THEMIS: variants seen among roughly 807,000 people sequenced by gnomAD.
THEMIS encodes the protein thymocyte selection associated.
Under a neutral mutation model 52.6 loss-of-function variants are expected in THEMIS, and 37 were observed. The ratio of observed to expected loss-of-function variants is 0.70; its 90% CI spans 0.54 to 0.93. The LOEUF is 0.93. Ranked by LOEUF, THEMIS falls within the 40% of genes least tolerant of loss-of-function variation. The pLI, the probability that THEMIS is intolerant of heterozygous loss-of-function variation, is 0.00. For missense variants in THEMIS, 808 were observed against 763.1 expected, an observed-to-expected ratio of 1.06 and a Z score of -0.69; for synonymous variants, 292 against 272.7, an observed-to-expected ratio of 1.07 and a Z score of -0.70.
intron 4 of THEMIS, among the ~76,000 whole-genome samples, chr6:127,725,041 T>A (rs1774491422): frequency 6.6e-6 from 1 of 152,088 alleles, no homozygotes; most frequent in Admixed American, 6.6e-5. Flanking sequence ...AGCCAGGGAC[T>A]AAACATCACT....
intron 4 of THEMIS, among the ~76,000 whole-genome samples, chr6:127,752,410 G>A (rs1775676775): frequency 2.0e-5 from 3 of 147,212 alleles, no homozygotes; most frequent in South Asian, 2.1e-4. Context: ...TTTAGCTAGA[G>A]TAACTAAGAA....
intron 4 of THEMIS, among the ~76,000 whole-genome samples, chr6:127,786,982 T>C (rs1776970856): frequency 6.6e-6 from 1 of 151,966 alleles, no homozygotes; most frequent in African/African-American, 2.4e-5. Context: ...TTGGAGCTCC[T>C]AAAAAAACTC....
chr6:127,865,297 T>G (rs971906658), intron 1 of THEMIS, among the ~76,000 whole-genome samples: 1 of 152,086 alleles, frequency 6.6e-6, no homozygotes, highest in Non-Finnish European at 1.5e-5. Flanking sequence ...GTCCAAAGTA[T>G]ACAAAACACT....
intron 4 of THEMIS, among the ~76,000 whole-genome samples, chr6:127,736,685 C>T (rs1281143095): frequency 6.6e-6 from 1 of 152,002 alleles, no homozygotes; most frequent in Non-Finnish European, 1.5e-5. Flanking sequence ...TCATCATTTT[C>T]AGATCTATGT....
At chr6:127,703,423 C>G (rs1406597454), downstream of THEMIS, among the ~76,000 whole-genome samples, 1 of 152,092 alleles carries the variant, frequency 6.6e-6, no homozygotes, top group Non-Finnish European at 1.5e-5. Flanking sequence ...GTTTACTTAG[C>G]TTTAATAAGG....
At chr6:127,854,915 C>A in intron 2 of THEMIS, 115 bp downstream of exon 2, 1 of 854,944 alleles carries the variant, frequency 1.2e-6, no homozygotes, top group Non-Finnish European at 1.6e-6. Flanking sequence ...GGATTTTCCC[C>A]CCCATTATCC....
chr6:127,885,558 A>G (rs1168495116), intron 1 of THEMIS, among the ~76,000 whole-genome samples: 1 of 122,068 alleles, frequency 8.2e-6, no homozygotes, highest in Non-Finnish European at 1.7e-5. Context: ...GAAGAAACTA[A>G]AGAAGGAAAG....
chr6:127,860,210 T>G (rs1779750112), intron 1 of THEMIS, among the ~76,000 whole-genome samples: 1 of 152,100 alleles, frequency 6.6e-6, no homozygotes, highest in Non-Finnish European at 1.5e-5. Flanking sequence ...ATTCCCACTC[T>G]ATGAAGAATG....
intron 4 of THEMIS, among the ~76,000 whole-genome samples, chr6:127,784,985 ATC>A (rs1311277991): frequency 7.9e-6 from 1 of 126,320 alleles, no homozygotes. Context: ...CTATCTATCT[ATC>A]TATCTATCTA....
chr6:127,866,638 T>A (rs568169933), intron 1 of THEMIS, among the ~76,000 whole-genome samples: 1 of 152,000 alleles, frequency 6.6e-6, no homozygotes, highest in African/African-American at 2.4e-5. Flanking sequence ...TAAAGTTTCA[T>A]AACAAATTGA....
At chr6:127,839,100 C>T (rs1412527544) in intron 2 of THEMIS, among the ~76,000 whole-genome samples, 2 of 151,966 alleles carry the variant, frequency 1.3e-5, no homozygotes, top group Non-Finnish European at 1.5e-5. Context: ...ATTACTCTCT[C>T]AAGAGGCAAC....
chr6:127,796,981 C>A (rs1187869697), intron 4 of THEMIS, among the ~76,000 whole-genome samples: 1 of 152,188 alleles, frequency 6.6e-6, no homozygotes, highest in Non-Finnish European at 1.5e-5. Context: ...TTGACTCCAG[C>A]TCAGTTTAGC....
intron 1 of THEMIS, among the ~76,000 whole-genome samples, chr6:127,855,788 T>G (rs1355213372): frequency 3.3e-5 from 5 of 151,954 alleles, no homozygotes; most frequent in Non-Finnish European, 7.4e-5. Context: ...CTGAAAAGCT[T>G]CATTTTAGTC....
chr6:127,904,292 A>T (rs1781215749), upstream of THEMIS, among the ~76,000 whole-genome samples: 1 of 152,124 alleles, frequency 6.6e-6, no homozygotes, highest in South Asian at 2.1e-4. Context: ...CATGGTTGGT[A>T]GGAAGCTGAA....
intron 5 of THEMIS, among the ~76,000 whole-genome samples, chr6:127,714,554 A>T (rs2114466046): frequency 6.6e-6 from 1 of 152,072 alleles, no homozygotes. Flanking sequence ...TCCCAAGAAT[A>T]TGTATTTTTA....
At chr6:127,773,405 A>G (rs982622055) in intron 4 of THEMIS, among the ~76,000 whole-genome samples, 3 of 152,210 alleles carry the variant, frequency 2.0e-5, no homozygotes, top group Non-Finnish European at 4.4e-5. Flanking sequence ...GTTTTTATCC[A>G]GTTTTTACCA....
At chr6:127,742,559 A>G (rs1335598556) in intron 4 of THEMIS, among the ~76,000 whole-genome samples, 2 of 152,182 alleles carry the variant, frequency 1.3e-5, no homozygotes. Flanking sequence ...AATATTTTAC[A>G]TAGATACAAT....
chr6:127,840,995 C>A (rs1475551286), intron 2 of THEMIS, among the ~76,000 whole-genome samples: 1 of 151,986 alleles, frequency 6.6e-6, no homozygotes, highest in Admixed American at 6.6e-5. Flanking sequence ...GGTGGTGAAA[C>A]TATTTTGTAT....
At chr6:127,715,772 C>T (rs1774137610) in intron 5 of THEMIS, among the ~76,000 whole-genome samples, 1 of 151,816 alleles carries the variant, frequency 6.6e-6, no homozygotes, top group Admixed American at 6.6e-5. Context: ...GTGAGTCTCA[C>T]TTAGAAATAA....
Sources: gnomAD v4.1 joint callset for allele counts (sites outside exome capture counted in the v4.1 genomes callset) on GRCh38, gnomAD v4.1.1 for gene constraint, MANE v1.5 for transcripts, NCBI Gene and HGNC (gene_info 2026-07-23, HGNC 2026-07-21) for gene names.